Variants in PIK3C2G observed in about 807,000 individuals in gnomAD.
The protein encoded by PIK3C2G is phosphatidylinositol-4-phosphate 3-kinase catalytic subunit type 2 gamma.
A neutral mutation model predicts 181.1 loss-of-function variants in PIK3C2G; 168 were observed. The ratio of observed to expected loss-of-function variants is 0.93; its 90% confidence interval spans 0.82 to 1.05. The LOEUF is 1.05. Among genes scored for constraint, PIK3C2G ranks in the 50% least tolerant of loss-of-function variants. PIK3C2G has a pLI of 0.00. For synonymous variants in PIK3C2G, 573 were observed against 592.2 expected (o/e 0.97, Z 0.47); for missense variants, 1,869 against 1,732.8 (o/e 1.08, Z -1.40).
chr12:18,548,802 C>T (rs1438206534), intron 26 of PIK3C2G, among the ~76,000 whole-genome samples: 3 of 152,032 alleles, frequency 2.0e-5, no homozygotes, highest in Admixed American at 6.6e-5. Flanking sequence ...CACATCATTT[C>T]TCAGTTCAAT....
intron 18 of PIK3C2G, among the ~76,000 whole-genome samples, chr12:18,439,821 G>A (rs1946647267): frequency 6.6e-6 from 1 of 151,920 alleles, no homozygotes; most frequent in Non-Finnish European, 1.5e-5. Flanking sequence ...AATGTCTATA[G>A]CATAAAGATC....
intron 30 of PIK3C2G, among the ~76,000 whole-genome samples, chr12:18,605,195 C>T (rs538944453): frequency 1.2e-3 from 180 of 152,066 alleles, no homozygotes; most frequent in Non-Finnish European, 2.1e-3. Context: ...AGAAATGAAA[C>T]GGGAGATATT....
rs1237025587 is a variant in PIK3C2G at position 18,538,156 on chromosome 12, G to T, written c.3324G>T (p.Arg1108Ser). The T allele has an allele frequency of 6.2e-7, 1 of 1,608,750 alleles. No individual in the cohort carries two copies. The highest frequency in any genetic ancestry group is 8.5e-7 in the Non-Finnish European group (1 of 1,177,760). Residue 1108 changes from arginine (R) to serine (S), a missense_variant and splice_region_variant, in exon 25 of 33, where the codon AGG becomes AGT. By Grantham distance (110) the Arg-to-Ser change is moderately radical. Transcript: ENST00000538779. ...GHAQTFGGIK[R>S]DRAPFIFTSE... ...GATTGCTACTGTTTTTGGTTTACAG[G>T]GACCGAGCTCCTTTCATTTTTACTT...
intron 1 of PIK3C2G, among the ~76,000 whole-genome samples, chr12:18,267,344 A>T (rs899806333): frequency 6.6e-6 from 1 of 152,006 alleles, no homozygotes; most frequent in African/African-American, 2.4e-5. Flanking sequence ...AGATTATTTA[A>T]TAGAACACAT....
chr12:18,282,284 C>CA lies in PIK3C2G; in HGVS notation c.204dup (p.Pro69ThrfsTer12). On this transcript the variant is annotated frameshift_variant, in exon 2 of 33. Transcript: ENST00000538779. LOFTEE classifies it high-confidence loss of function. ...GAAAACACCTTTTTTGTGCCCACTG[C>CA]ACCAAAATGGGACTCAACAGGGCAT... The CA allele has an allele frequency of 6.2e-7, 1 of 1,613,352 alleles. No individual in the cohort carries two copies. The highest frequency in any genetic ancestry group is 8.5e-7 in the Non-Finnish European group (1 of 1,179,424).
intron 29 of PIK3C2G, among the ~76,000 whole-genome samples, chr12:18,583,429 A>T (rs552627938): frequency 6.6e-6 from 1 of 152,046 alleles, no homozygotes; most frequent in South Asian, 2.1e-4. Context: ...AGTCTCCAGC[A>T]TCCCTCGTTA....
intron 26 of PIK3C2G, among the ~76,000 whole-genome samples, chr12:18,548,088 C>T (rs1484211499): frequency 6.6e-6 from 1 of 151,968 alleles, no homozygotes; most frequent in Non-Finnish European, 1.5e-5. Flanking sequence ...AACTCCATCC[C>T]ATGCAGGTGG....
chr12:18,420,838 C>T, intron 16 of PIK3C2G, 103 bp from the exon 17 acceptor site: 1 of 659,158 alleles, frequency 1.5e-6, no homozygotes, highest in African/African-American at 1.8e-5. Context: ...AATTGTTTTA[C>T]CTTATGCACT....
chr12:18,679,492 C>G, the PIK3C2G span, among the ~76,000 whole-genome samples: 28 of 151,838 alleles, frequency 1.8e-4, no homozygotes, highest in African/African-American at 6.8e-4. Context: ...TGACAACATT[C>G]ATTTTTTCCA....
At chr12:18,491,081 T>A (rs1305373455) in intron 19 of PIK3C2G, among the ~76,000 whole-genome samples, 1 of 152,130 alleles carries the variant, frequency 6.6e-6, no homozygotes, top group Non-Finnish European at 1.5e-5. Context: ...CAGAAAATTA[T>A]CAGAAAAGGA....
intron 28 of PIK3C2G, among the ~76,000 whole-genome samples, 177 bp from the exon 29 acceptor site, chr12:18,566,772 C>T (rs1045160099): frequency 2.6e-5 from 4 of 152,050 alleles, no homozygotes; most frequent in Non-Finnish European, 1.5e-5. Flanking sequence ...ATTAATATGG[C>T]ATGAATGACC....
At chr12:18,496,321 C>A (rs1941009082) in intron 21 of PIK3C2G, among the ~76,000 whole-genome samples, 167 bp downstream of exon 21, 1 of 152,128 alleles carries the variant, frequency 6.6e-6, no homozygotes, top group Admixed American at 6.5e-5. Context: ...ATGTGCCAAA[C>A]TCCAATTGGC....
At chr12:18,529,261 A>G (rs1165298454) in intron 24 of PIK3C2G, among the ~76,000 whole-genome samples, 1 of 152,156 alleles carries the variant, frequency 6.6e-6, no homozygotes, top group Non-Finnish European at 1.5e-5. Flanking sequence ...CCAAGTGTTA[A>G]AGTATCAGGA....
intron 8 of PIK3C2G, among the ~76,000 whole-genome samples, chr12:18,335,047 G>A (rs78338505): frequency 1.3e-5 from 2 of 152,024 alleles, no homozygotes; most frequent in African/African-American, 2.4e-5. Flanking sequence ...GAGCACAGAC[G>A]AGGGTTCAGT....
chr12:18,419,360 A>C (rs935728388), intron 16 of PIK3C2G, among the ~76,000 whole-genome samples: 4 of 152,138 alleles, frequency 2.6e-5, no homozygotes, highest in Non-Finnish European at 4.4e-5. Context: ...TAGGCAACAA[A>C]ACTTACCTAG....
chr12:18,713,319 C>A, the PIK3C2G span, among the ~76,000 whole-genome samples: 1 of 152,082 alleles, frequency 6.6e-6, no homozygotes, highest in Admixed American at 6.6e-5. Context: ...TACTCCCAAC[C>A]CATATAATTT....
chr12:18,671,633 C>G, the PIK3C2G span, among the ~76,000 whole-genome samples: 1,651 of 151,922 alleles, frequency 0.011, 27 homozygotes, highest in African/African-American at 0.038. Flanking sequence ...TGGCTAGTGG[C>G]TACTATATTG....
intron 30 of PIK3C2G, among the ~76,000 whole-genome samples, chr12:18,606,506 A>AT (rs34140640): frequency 5.3e-5 from 8 of 152,026 alleles, no homozygotes; most frequent in South Asian, 2.1e-4. Flanking sequence ...ATTATAAGTG[A>AT]TTTTTTCTTA....
chr12:18,614,321 A>G (rs1160292410), intron 31 of PIK3C2G, among the ~76,000 whole-genome samples: 2 of 152,132 alleles, frequency 1.3e-5, no homozygotes, highest in Non-Finnish European at 2.9e-5. Context: ...TTTTTGCCAA[A>G]GAAACATTGA....
Sources: allele counts gnomAD v4.1 joint callset (sites outside exome capture counted in the v4.1 genomes callset), GRCh38; gene constraint gnomAD v4.1.1; transcripts MANE v1.5; gene names NCBI Gene and HGNC (gene_info 2026-07-23, HGNC 2026-07-21).